The following IL4I1 variants were observed in gnomAD, a reference collection of about 807,000 sequenced individuals.
The protein encoded by IL4I1 is interleukin 4 induced 1, also known as L-amino-acid oxidase.
Under a neutral mutation model 29.7 loss-of-function variants are expected in IL4I1, and 24 were observed. The observed-to-expected ratio is 0.81, with a 90% CI of 0.59 to 1.14. IL4I1 has a LOEUF of 1.14. IL4I1 is among the 50% of genes most tolerant of loss of function. The pLI is 0.00. For synonymous variants in IL4I1, 371 were observed against 352.5 expected (o/e 1.05, Z -0.59); for missense variants, 686 against 785.6 (o/e 0.87, Z 1.52).
At chr19:49,893,434 G>T (rs1304827031) in intron 5 of IL4I1, among the ~76,000 whole-genome samples, 2 of 152,004 alleles carry the variant, frequency 1.3e-5, no homozygotes, top group Non-Finnish European at 2.9e-5. Context: ...GGGTCTGCCC[G>T]TGACTGCGGG....
chr19:49,924,502 A>G (rs561007707), intron 2 of IL4I1, among the ~76,000 whole-genome samples: 42 of 151,966 alleles, frequency 2.8e-4, no homozygotes, highest in South Asian at 8.3e-4. Flanking sequence ...GCCTGCAACC[A>G]CCGCCTCACT....
intron 2 of IL4I1, chr19:49,908,804 C>T (rs1049914948): frequency 1.7e-5 from 27 of 1,613,710 alleles, no homozygotes; most frequent in Non-Finnish European, 2.2e-5. Flanking sequence ...GTTGATCAGG[C>T]TCTCCAGCTG....
intron 5 of IL4I1, among the ~76,000 whole-genome samples, chr19:49,893,292 G>A (rs2075162191): frequency 6.6e-6 from 1 of 151,708 alleles, no homozygotes. Flanking sequence ...CTGGGGGAGG[G>A]TCCAGGGCAG....
At chr19:49,910,026 G>A (rs1456928775) in intron 2 of IL4I1, 5 of 634,192 alleles carry the variant, frequency 7.9e-6, no homozygotes, top group Admixed American at 2.3e-5. Context: ...CTGCTACATC[G>A]AGAAGGATCC....
chr19:49,903,569 G>C (rs1345658413), intron 3 of IL4I1, among the ~76,000 whole-genome samples: 1 of 152,212 alleles, frequency 6.6e-6, no homozygotes, highest in Non-Finnish European at 1.5e-5. Flanking sequence ...TCTGTGGAGA[G>C]CCGCTGCCCT....
chr19:49,902,909 G>A (rs1215660677), intron 3 of IL4I1, among the ~76,000 whole-genome samples: 1 of 151,984 alleles, frequency 6.6e-6, no homozygotes, highest in Non-Finnish European at 1.5e-5. Flanking sequence ...AAGGTCAGGA[G>A]ATCAAGACCA....
intron 2 of IL4I1, chr19:49,909,621 C>T (rs1346734352): frequency 6.2e-7 from 1 of 1,614,158 alleles, no homozygotes; most frequent in South Asian, 1.1e-5. Context: ...GTCTGGGTGG[C>T]AAGTGAGAAC....
Position 49,890,361 on chromosome 19 carries a change from C to T in IL4I1, c.1013G>A (p.Arg338His), listed in dbSNP as rs1251045975. Residue 338 changes from arginine to histidine, a missense_variant, in exon 8 of 8, where the codon CGC becomes CAC. Coordinates refer to ENST00000391826, the MANE Select transcript of IL4I1 (RefSeq NM_152899.2). Reference protein sequence around the residue: ...KRITFSPPLPRHMQEALRRLH... With the variant: ...KRITFSPPLPHHMQEALRRLH... ...CCTCCGCAGCGCCTCCTGCATGTGG[C>T]GGGGCAGCGGCGGCGAGAAGGTGAT... 3.1e-6 allele frequency: 5 copies of T among 1,599,030 alleles called. No homozygotes were observed. The South Asian group carries it at 4.4e-5, about 14-fold the overall frequency.
At chr19:49,905,948 T>A (rs1349690085) in intron 2 of IL4I1, among the ~76,000 whole-genome samples, 1 of 152,122 alleles carries the variant, frequency 6.6e-6, no homozygotes, top group Non-Finnish European at 1.5e-5. Flanking sequence ...GGGAGACTTT[T>A]GGAACCTGGG....
In IL4I1 at chr19:49,909,706, G is replaced by A. The variant is rs773485886; in HGVS notation, c.-227-5385C>T. 13 of 1,614,056 alleles carry A rather than the reference G, an allele frequency of 8.1e-6. No individual in the cohort carries two copies. In the African/African-American group the frequency reaches 1.3e-4, roughly 17 times the overall value. The stretch of plus-strand genomic sequence containing the variant: ...TAAACCCTCCAGTGCCAGAGGTGGA[G>A]AAAGAAAACCCTGTAGCAGGTGTGG... On this transcript the variant is annotated intron_variant, in intron 2 of 9. Transcript: ENST00000341114.
chr19:49,926,941 C>T (rs947399850), intron 2 of IL4I1, among the ~76,000 whole-genome samples: 1 of 151,762 alleles, frequency 6.6e-6, no homozygotes, highest in African/African-American at 2.4e-5. Context: ...CTGCAACCTC[C>T]GCCCCACCCC....
upstream of IL4I1, among the ~76,000 whole-genome samples, chr19:49,897,870 A>G (rs1331821588): frequency 6.7e-6 from 1 of 150,156 alleles, no homozygotes; most frequent in Non-Finnish European, 1.5e-5. Flanking sequence ...AAGATGGGAA[A>G]CTCCCGCAGT....
At chr19:49,922,194 C>A (rs564387914) in intron 2 of IL4I1, among the ~76,000 whole-genome samples, 1 of 152,244 alleles carries the variant, frequency 6.6e-6, no homozygotes, top group South Asian at 2.1e-4. Context: ...TGGGCTTGCC[C>A]CTGACACAGC....
upstream of IL4I1, among the ~76,000 whole-genome samples, chr19:49,899,937 C>T (rs1316514003): frequency 1.3e-5 from 2 of 151,880 alleles, no homozygotes; most frequent in Non-Finnish European, 2.9e-5. Context: ...TGGGCTTAAG[C>T]GATCCTCCAG....
chr19:49,890,185 A>T lies in IL4I1; in HGVS notation c.1189T>A (p.Ser397Thr), dbSNP rs779985890. The T allele has an allele frequency of 1.3e-6, 2 of 1,542,992 alleles. No individual in the cohort carries two copies. Among genetic ancestry groups the T allele is most frequent in the Middle Eastern group, 3.9e-4 (2 of 5,168 alleles). The change falls in exon 8 of 8, where the codon TCG (serine) becomes ACG (threonine). Residue 397 changes from serine to threonine, a missense_variant. Physicochemically the swap from Ser to Thr is moderately conservative, Grantham distance 58 (BLOSUM62 1). Transcript: ENST00000391826. ...GCCGCCGCGTCCGACCACGTGTACG[A>T]GGCCAGCAGCAGCGCGCCCTCGCGC... Reference protein sequence around the residue: ...PPREGALLLASYTWSDAAAAF... With the variant: ...PPREGALLLATYTWSDAAAAF...
At chr19:49,923,662 C>T (rs2122747829) in intron 2 of IL4I1, among the ~76,000 whole-genome samples, 3 of 152,358 alleles carry the variant, frequency 2.0e-5, no homozygotes, top group Middle Eastern at 6.8e-3. Flanking sequence ...TATGCCAGGC[C>T]CCACTCTAGG....
Position 49,890,235 on chromosome 19 carries a change from G to A in IL4I1, c.1139C>T (p.Ser380Leu), listed in dbSNP as rs1263560000. The A allele has an allele frequency of 1.9e-6, 3 of 1,559,624 alleles. No homozygotes were observed. The highest frequency in any genetic ancestry group is 8.7e-7 in the Non-Finnish European group (1 of 1,152,030). ...EGGHSNTDRP[S>L]RMIFYPPPRE... The stretch of plus-strand genomic sequence containing the variant: ...CGGCGGCGGGTAGAAAATCATGCGC[G>A]ACGGGCGATCGGTGTTTGAGTGGCC... The change falls in exon 8 of 8, where the codon TCG (serine) becomes TTG (leucine). Residue 380 changes from serine (S) to leucine (L), a missense_variant. Ser to Leu is a moderately radical substitution (Grantham distance 145). Transcript: ENST00000391826.
intron 2 of IL4I1, among the ~76,000 whole-genome samples, chr19:49,913,630 G>T (rs1021320413): frequency 6.6e-6 from 1 of 152,226 alleles, no homozygotes; most frequent in Non-Finnish European, 1.5e-5. Context: ...CTGGAAGCTC[G>T]TGCCTGGTCT....
chr19:49,915,699 C>A (rs1189322976), intron 2 of IL4I1, among the ~76,000 whole-genome samples: 1 of 152,188 alleles, frequency 6.6e-6, no homozygotes, highest in Non-Finnish European at 1.5e-5. Flanking sequence ...GGGCTGGGGT[C>A]AGGGGCAGGT....
Sources: gnomAD v4.1 joint callset for allele counts (sites outside exome capture counted in the v4.1 genomes callset) on GRCh38, gnomAD v4.1.1 for gene constraint, MANE v1.5 for transcripts, NCBI Gene and HGNC (gene_info 2026-07-23, HGNC 2026-07-21) for gene names.